Variants in USP50 observed in about 807,000 individuals in gnomAD.
USP50 encodes the protein ubiquitin specific peptidase 50.
Under a neutral mutation model 39.2 loss-of-function variants are expected in USP50, and 37 were observed. That is an observed-to-expected ratio of 0.94 (90% CI 0.73 to 1.24). The LOEUF is 1.24. Among genes scored for constraint, USP50 ranks in the 50% most tolerant of loss-of-function variants. The probability of loss-of-function intolerance (pLI) is 0.00; values close to 1 mark genes in which losing one functional copy is unlikely to be tolerated. For synonymous variants in USP50, 139 were observed against 144.5 expected, an observed-to-expected ratio of 0.96 and a Z score of 0.27; for missense variants, 374 against 398.2, an observed-to-expected ratio of 0.94 and a Z score of 0.52.
intron 6 of USP50, among the ~76,000 whole-genome samples, chr15:50,528,644 G>A (rs760782073): frequency 5.9e-5 from 9 of 152,184 alleles, no homozygotes; most frequent in Non-Finnish European, 8.8e-5. Context: ...GGAAGTGAGA[G>A]AAGAAAAACC....
intron 1 of USP50, among the ~76,000 whole-genome samples, chr15:50,494,627 T>C (rs1217023320): frequency 6.6e-6 from 1 of 152,284 alleles, no homozygotes; most frequent in Non-Finnish European, 1.5e-5. Context: ...TTATATAATA[T>C]GTATATGTTA....
At chr15:50,543,558 T>G in intron 3 of USP50, 40 bp downstream of exon 3, 1 of 1,566,714 alleles carries the variant, frequency 6.4e-7, no homozygotes, top group Non-Finnish European at 8.7e-7. Context: ...CTGATAAAGG[T>G]TCAGGACTAT....
chr15:50,546,399 G>C, intron 1 of USP50, 74 bp downstream of exon 1: 4 of 1,515,058 alleles, frequency 2.6e-6, no homozygotes, highest in Non-Finnish European at 3.7e-6. Context: ...TGCAGTGTGT[G>C]TCCCCTGACT....
At chr15:50,528,621 G>C (rs544225847) in intron 6 of USP50, among the ~76,000 whole-genome samples, 1 of 152,284 alleles carries the variant, frequency 6.6e-6, no homozygotes, top group East Asian at 1.9e-4. Context: ...TGCCACTCTA[G>C]ATTCCCAAGC....
intron 6 of USP50, 45 bp from the exon 7 acceptor site, chr15:50,500,882 C>CT: frequency 2.1e-6 from 3 of 1,447,010 alleles, no homozygotes; most frequent in Non-Finnish European, 2.9e-6. Context: ...CATATGAACA[C>CT]TAACTACTGG....
downstream of USP50, chr15:50,493,116 C>T: frequency 4.6e-6 from 3 of 652,882 alleles, no homozygotes; most frequent in South Asian, 1.5e-5. Context: ...TTTTTTGCTG[C>T]ATCCTCACAG....
chr15:50,502,153 G>C (rs897910322), intron 6 of USP50: 1 of 152,272 alleles, frequency 6.6e-6, no homozygotes, highest in African/African-American at 2.4e-5. Flanking sequence ...TGTTGCCCAG[G>C]CTGGAATGCA....
chr15:50,525,141 G>A (rs1023321126), intron 6 of USP50, among the ~76,000 whole-genome samples: 23 of 152,152 alleles, frequency 1.5e-4, no homozygotes, highest in Admixed American at 1.3e-4. Flanking sequence ...GGAACTGGAG[G>A]ACATTATGCT....
At chr15:50,522,610 T>G (rs888747724) in intron 6 of USP50, among the ~76,000 whole-genome samples, 5 of 152,040 alleles carry the variant, frequency 3.3e-5, no homozygotes, top group Non-Finnish European at 7.4e-5. Context: ...CTGATGAACA[T>G]AGATGCAAAA....
At chr15:50,532,027 C>A in intron 5 of USP50, 2 of 425,660 alleles carry the variant, frequency 4.7e-6, no homozygotes, top group Non-Finnish European at 9.4e-6. Flanking sequence ...CCAAAACTGC[C>A]GAGCAGAAAC....
At chr15:50,493,679 A>G (rs865945105), downstream of USP50, 1 of 371,556 alleles carries the variant, frequency 2.7e-6, no homozygotes, top group Non-Finnish European at 5.2e-6. Context: ...CAGAAGGTCA[A>G]GGCTGCAGTG....
At chr15:50,494,606 GTATGT>G (rs1247288438) in intron 1 of USP50, among the ~76,000 whole-genome samples, 3 of 152,166 alleles carry the variant, frequency 2.0e-5, no homozygotes, top group South Asian at 2.1e-4. Flanking sequence ...CATTTTTATT[GTATGT>G]TATGTTTATA....
At chr15:50,525,644 G>C (rs71394997) in intron 6 of USP50, among the ~76,000 whole-genome samples, 1 of 80,966 alleles carries the variant, frequency 1.2e-5, no homozygotes, top group African/African-American at 4.4e-5. Context: ...ATGTATATGT[G>C]TATATGTATA....
intron 6 of USP50, chr15:50,509,066 G>GCGC (rs2052702535): frequency 2.1e-5 from 3 of 143,372 alleles, no homozygotes; most frequent in Non-Finnish European, 3.0e-5. Context: ...CCCGGGGTCG[G>GCGC]AGCTTGCAGT....
intron 6 of USP50, among the ~76,000 whole-genome samples, chr15:50,518,237 T>TC (rs914169471): frequency 6.6e-6 from 1 of 151,464 alleles, no homozygotes; most frequent in Admixed American, 6.6e-5. Flanking sequence ...GTTTTTTTTT[T>TC]TGAGACAGAG....
chr15:50,542,460 T>C lies in USP50; in HGVS notation c.444+1138A>G, dbSNP rs116672973. Among the ~76,000 whole-genome samples the C allele has an allele frequency of 7.9e-3, 1,179 of 149,700 alleles. 16 individuals are homozygous for C. Among genetic ancestry groups the C allele is most frequent in the African/African-American group, 0.027 (1,103 of 40,220 alleles). On this transcript the variant is annotated intron_variant, in intron 3 of 6. Coordinates refer to ENST00000532404, the MANE Select transcript of USP50 (RefSeq NM_203494.5). ...AAAAAGTGCTGCCATGAATATGTTT[T>C]TGTTTTTTTTTTTCCTTTTCATTTT...
chr15:50,493,265 C>T, downstream of USP50: 1 of 513,670 alleles, frequency 1.9e-6, no homozygotes, highest in South Asian at 1.5e-5. Flanking sequence ...GTCACATTGG[C>T]AACACCTGAA....
intron 6 of USP50, chr15:50,513,518 T>TGAAAA (rs1172982929): frequency 1.2e-5 from 1 of 85,980 alleles, no homozygotes; most frequent in Non-Finnish European, 2.3e-5. Flanking sequence ...CGAAACTGTC[T>TGAAAA]AAAAAAAAAA....
intron 6 of USP50, chr15:50,513,518 TAAAAAAAAAAA>T (rs35523535): frequency 1.2e-4 from 10 of 85,980 alleles, no homozygotes; most frequent in African/African-American, 2.2e-4. Context: ...CGAAACTGTC[TAAAAAAAAAAA>T]AAAAAAAAAG....
Sources: gnomAD v4.1 joint callset for allele counts (sites outside exome capture counted in the v4.1 genomes callset) on GRCh38, gnomAD v4.1.1 for gene constraint, MANE v1.5 for transcripts, NCBI Gene and HGNC (gene_info 2026-07-23, HGNC 2026-07-21) for gene names.